COL22A1: variants seen among roughly 807,000 people sequenced by gnomAD.
The protein encoded by COL22A1 is collagen alpha-1(XXII) chain.
In COL22A1, 221 loss-of-function variants were observed where a neutral mutation model predicts 248.9. That is an observed-to-expected ratio of 0.89 (90% CI 0.80 to 0.99). The LOEUF (loss-of-function observed/expected upper bound fraction) is 0.99. Ranked by LOEUF, COL22A1 falls within the 50% of genes least tolerant of loss-of-function variation. COL22A1 has a pLI of 0.00. For synonymous variants in COL22A1, 891 were observed against 793.4 expected (o/e 1.12, Z -2.07); for missense variants, 2,240 against 2,179.0 (o/e 1.03, Z -0.56).
chr8:138,780,418 G>A (rs545733880), intron 13 of COL22A1, among the ~76,000 whole-genome samples: 7 of 152,292 alleles, frequency 4.6e-5, no homozygotes, highest in African/African-American at 1.7e-4. Flanking sequence ...GCTTGGTGGA[G>A]AGGAGACTGA....
At chr8:138,722,283 T>G (rs767245134) in intron 25 of COL22A1, 194 bp from the exon 26 acceptor site, 7 of 587,250 alleles carry the variant, frequency 1.2e-5, no homozygotes, top group Non-Finnish European at 2.2e-5. Flanking sequence ...TTGTTACTAC[T>G]GAAGCAAATA....
chr8:138,855,693 T>C (rs1014575709), intron 3 of COL22A1, among the ~76,000 whole-genome samples: 23 of 152,338 alleles, frequency 1.5e-4, no homozygotes, highest in Admixed American at 3.9e-4. Flanking sequence ...TGAGCAACGA[T>C]TGTGCCCGGA....
At chr8:138,788,756 A>G (rs1375815482) in intron 12 of COL22A1, among the ~76,000 whole-genome samples, 2 of 152,186 alleles carry the variant, frequency 1.3e-5, no homozygotes, top group Non-Finnish European at 2.9e-5. Flanking sequence ...AAAATGGAAC[A>G]CTATGCTGGT....
intron 40 of COL22A1, 130 bp from the exon 41 acceptor site, chr8:138,676,765 T>G: frequency 1.5e-6 from 1 of 662,642 alleles, no homozygotes; most frequent in Non-Finnish European, 2.6e-6. Context: ...CCATGGGCCA[T>G]GCTATAGTCT....
chr8:138,766,512 T>A, intron 16 of COL22A1, among the ~76,000 whole-genome samples: 3 of 148,354 alleles, frequency 2.0e-5, no homozygotes, highest in Admixed American at 6.7e-5. Flanking sequence ...AGAGAGAGAC[T>A]CAGTAACAGA....
At chr8:138,615,938 T>C (rs1819279010) in intron 55 of COL22A1, 63 bp downstream of exon 55, 1 of 1,239,924 alleles carries the variant, frequency 8.1e-7, no homozygotes, top group South Asian at 1.2e-5. Flanking sequence ...TTTCTGGGTG[T>C]CACTTCCTTG....
At chr8:138,817,030 C>T (rs1818736904) in intron 7 of COL22A1, among the ~76,000 whole-genome samples, 2 of 152,216 alleles carry the variant, frequency 1.3e-5, no homozygotes. Flanking sequence ...CTCACAATAG[C>T]TCTGACAGGT....
rs533318134 is a variant in COL22A1 at position 138,631,748 on chromosome 8, T to C, written c.3610-1000A>G. The stretch of plus-strand genomic sequence containing the variant: ...CTTAGCTCAGATATCAGCTTCTCAG[T>C]GAAAGGTTTTCTGCCTACCAGACCC... On this transcript the variant is annotated intron_variant, in intron 49 of 64. Coordinates refer to ENST00000303045, the MANE Select transcript of COL22A1 (RefSeq NM_152888.3). 1.0e-3 allele frequency among the ~76,000 whole-genome samples: 153 copies of C among 152,196 alleles called. 6 individuals carry two copies. The highest frequency in any genetic ancestry group is 1.9e-3 in the Admixed American group (29 of 15,284).
At chr8:138,679,859 C>T (rs775234053) in intron 39 of COL22A1, among the ~76,000 whole-genome samples, 183 bp from the exon 40 acceptor site, 1 of 152,130 alleles carries the variant, frequency 6.6e-6, no homozygotes, top group Non-Finnish European at 1.5e-5. Flanking sequence ...AAAGAATCCT[C>T]CATCCATCAT....
chr8:138,896,247 T>A (rs1032975966), intron 1 of COL22A1, among the ~76,000 whole-genome samples: 18 of 151,864 alleles, frequency 1.2e-4, no homozygotes, highest in South Asian at 2.1e-4. Flanking sequence ...CATGAGTTTT[T>A]AAAAAAAAAT....
intron 22 of COL22A1, among the ~76,000 whole-genome samples, chr8:138,748,821 G>A (rs1319955389): frequency 6.6e-6 from 1 of 152,176 alleles, no homozygotes; most frequent in African/African-American, 2.4e-5. Context: ...GTCACCCTGG[G>A]AAGCACATCC....
At chr8:138,617,972 G>A (rs1423240811) in intron 53 of COL22A1, among the ~76,000 whole-genome samples, 3 of 152,144 alleles carry the variant, frequency 2.0e-5, no homozygotes, top group Admixed American at 6.5e-5. Context: ...TTGGGGCTTG[G>A]CATCTTCCTC....
At chr8:138,876,467 T>C (rs899248450) in intron 3 of COL22A1, among the ~76,000 whole-genome samples, 1 of 152,218 alleles carries the variant, frequency 6.6e-6, no homozygotes. Flanking sequence ...CTGTGTCTTG[T>C]CTTTTTCTGT....
In COL22A1 at chr8:138,762,353, G is replaced by A. The variant is rs1181528890; in HGVS notation, c.1857+60C>T. On this transcript the variant is annotated intron_variant, in intron 17 of 64. Transcript: ENST00000303045. ...TCTGTGGAGCTTTATGTGGGGTCTG[G>A]TCATTCCCATCCTCTGACCGCTGAT... 12 of 1,540,280 alleles carry A rather than the reference G, an allele frequency of 7.8e-6. No homozygotes were observed. In the African/African-American group the frequency reaches 1.2e-4, roughly 16 times the overall value.
At chr8:138,861,304 T>C (rs2131956940) in intron 3 of COL22A1, among the ~76,000 whole-genome samples, 1 of 152,276 alleles carries the variant, frequency 6.6e-6, no homozygotes, top group African/African-American at 2.4e-5. Flanking sequence ...GCTTTCCCCA[T>C]AGCTACACAG....
intron 23 of COL22A1, among the ~76,000 whole-genome samples, chr8:138,726,632 G>A (rs574656487): frequency 3.9e-5 from 6 of 152,316 alleles, no homozygotes; most frequent in Admixed American, 1.3e-4. Context: ...GAGGGATGAA[G>A]GCAAGTGGGC....
At chr8:138,771,910 G>A (rs1036680968) in intron 16 of COL22A1, among the ~76,000 whole-genome samples, 1 of 152,132 alleles carries the variant, frequency 6.6e-6, no homozygotes, top group Non-Finnish European at 1.5e-5. Context: ...GAGCTCACCC[G>A]AAGCCCCCGC....
At chr8:138,765,169 C>T (rs550923182) in intron 16 of COL22A1, among the ~76,000 whole-genome samples, 4 of 152,126 alleles carry the variant, frequency 2.6e-5, no homozygotes, top group Non-Finnish European at 5.9e-5. Context: ...TTCACCCCAG[C>T]TGGGTGTGCT....
chr8:138,899,226 G>A (rs1436357216), intron 1 of COL22A1, among the ~76,000 whole-genome samples: 1 of 151,926 alleles, frequency 6.6e-6, no homozygotes, highest in East Asian at 1.9e-4. Flanking sequence ...CACAATGTAA[G>A]TCCTACAAGT....
Sources: gnomAD v4.1 joint callset for allele counts (sites outside exome capture counted in the v4.1 genomes callset) on GRCh38, gnomAD v4.1.1 for gene constraint, MANE v1.5 for transcripts, NCBI Gene and HGNC (gene_info 2026-07-23, HGNC 2026-07-21) for gene names.